Variants in EGFL7 observed in about 807,000 individuals in gnomAD.
EGFL7 encodes epidermal growth factor-like protein 7.
A neutral mutation model predicts 37.1 loss-of-function variants in EGFL7; 48 were observed. That is an observed-to-expected ratio of 1.29 (90% confidence interval 1.03 to 1.65). The LOEUF (loss-of-function observed/expected upper bound fraction) is 1.65, where lower values mean the gene tolerates loss of function less well. Ranked by LOEUF, EGFL7 falls within the 40% of genes most tolerant of loss-of-function variation. The pLI is 0.00. For missense variants in EGFL7, 384 were observed against 378.9 expected (o/e 1.01, Z -0.11); for synonymous variants, 180 against 156.8 (o/e 1.15, Z -1.10).
chr9:136,671,034 G>GTCTTCACAACAGCAGA lies in EGFL7; in HGVS notation c.636+20_636+21insTCTTCACAACAGCAGA. 1 of 1,261,202 alleles carries GTCTTCACAACAGCAGA rather than the reference G, an allele frequency of 7.9e-7. No individual in the cohort carries two copies. 78.1% of individuals were successfully genotyped at this position (1,261,202 alleles called of 1,614,324 possible). A position where few individuals can be genotyped will look rare whatever the true frequency, so the allele number is the denominator to read the frequency against. On this transcript the variant is annotated intron_variant, in intron 9 of 10. Coordinates refer to ENST00000308874, the MANE Select transcript of EGFL7 (RefSeq NM_016215.5). Reference sequence around the variant, plus strand: ...GAGGAGGTGAGGCATTGGTGGGGGGGGGGGGGGGCAGGCAGTCCAGGGTGG... The same window carrying GTCTTCACAACAGCAGA: ...GAGGAGGTGAGGCATTGGTGGGGGGGTCTTCACAACAGCAGAGGGGGGGGCAGGCAGTCCAGGGTGG...
At chr9:136,669,874 G>A (rs774738428) in intron 6 of EGFL7, 40 bp from the exon 7 acceptor site, 5 of 1,538,664 alleles carry the variant, frequency 3.2e-6, no homozygotes, top group Non-Finnish European at 4.4e-6. Context: ...AGGGTGCTGG[G>A]GACCCAACTG....
At chr9:136,661,277 T>C (rs1845129799), upstream of EGFL7, among the ~76,000 whole-genome samples, 2 of 152,022 alleles carry the variant, frequency 1.3e-5, no homozygotes, top group South Asian at 4.1e-4. Context: ...GCCAACTTGT[T>C]CTTCACTGCA....
chr9:136,670,243 C>T lies in EGFL7; in HGVS notation c.484C>T (p.Gln162Ter). The T allele has an allele frequency of 6.2e-7, 1 of 1,612,550 alleles. No homozygotes were observed. The highest frequency in any genetic ancestry group is 8.5e-7 in the Non-Finnish European group (1 of 1,179,798). The change falls in exon 8 of 11, where the codon CAG becomes TAG. Residue 162 changes from glutamine to a stop codon, truncating the protein, a stop_gained. Transcript: ENST00000308874. LOFTEE classifies it high-confidence loss of function. ...CVNTAGSYWC[Q>*]CWEGHSLSAD... ...CAACACCGCCGGCAGTTACTGGTGCCAGTGTTGGGAGGGGCACAGCCTGTC... is the reference window on the plus strand; with the variant it reads ...CAACACCGCCGGCAGTTACTGGTGCTAGTGTTGGGAGGGGCACAGCCTGTC...
chr9:136,671,135 G>T (rs1845848128), intron 9 of EGFL7, 121 bp downstream of exon 9: 2 of 749,490 alleles, frequency 2.7e-6, no homozygotes, highest in Non-Finnish European at 2.2e-6. Context: ...GGCATCGGGG[G>T]GGTAGGCAGG....
chr9:136,669,793 C>A, intron 6 of EGFL7, 72 bp downstream of exon 6: 1 of 1,452,566 alleles, frequency 6.9e-7, no homozygotes, highest in South Asian at 1.3e-5. Flanking sequence ...AACGCTCCTG[C>A]TGCTTTTCTT....
intron 7 of EGFL7, 69 bp downstream of exon 7, chr9:136,670,078 C>T (rs1257337083): frequency 4.4e-6 from 7 of 1,601,760 alleles, no homozygotes; most frequent in African/African-American, 2.7e-5. Flanking sequence ...CCTGGGGTTA[C>T]TGCTGGCCCA....
In EGFL7 at chr9:136,670,592, G is replaced by A. The variant is rs148979093; in HGVS notation, c.571+262G>A. 2.8e-3 allele frequency: 2,145 copies of A among 777,570 alleles called. 33 individuals are homozygous for A. The highest frequency in any genetic ancestry group is 0.027 in the African/African-American group (1,626 of 59,278). 48.2% of individuals were successfully genotyped at this position (777,570 alleles called of 1,614,324 possible). A position where few individuals can be genotyped will look rare whatever the true frequency, so the allele number is the denominator to read the frequency against. ...CATCCAGCGCAGCATTCTGGAAGAC[G>A]CCACGCCTCCGCTGGCGACGGGACA... On this transcript the variant is annotated intron_variant, in intron 8 of 10. Coordinates refer to ENST00000308874, the MANE Select transcript of EGFL7 (RefSeq NM_016215.5).
Position 136,672,400 on chromosome 9 carries a change from A to C in EGFL7, c.*114A>C. ...CCTCGGGGTGACTGAGCGGAAGGCC[A>C]GGCAGGGCCTTCCTCCTCTTCCTCC... On this transcript the variant is annotated 3_prime_UTR_variant, in exon 11 of 11. Coordinates refer to ENST00000308874, the MANE Select transcript of EGFL7 (RefSeq NM_016215.5). 9.1e-6 allele frequency: 12 copies of C among 1,316,950 alleles called. No homozygotes were observed. Among genetic ancestry groups the C allele is most frequent in the South Asian group, 1.2e-5 (1 of 83,386 alleles). 81.6% of individuals were successfully genotyped at this position (1,316,950 alleles called of 1,614,324 possible).
At chr9:136,670,667 A>G (rs556742905) in intron 8 of EGFL7, 6 of 770,710 alleles carry the variant, frequency 7.8e-6, no homozygotes, top group Admixed American at 1.7e-5. Context: ...ACCGTGAGTA[A>G]TAATGCGCCG....
At chr9:136,661,803 G>A (rs546187796), upstream of EGFL7, among the ~76,000 whole-genome samples, 1 of 152,202 alleles carries the variant, frequency 6.6e-6, no homozygotes, top group African/African-American at 2.4e-5. Flanking sequence ...AAGTTGCCCA[G>A]CTGAGTGGGG....
upstream of EGFL7, among the ~76,000 whole-genome samples, chr9:136,661,300 C>T (rs552385849): frequency 2.6e-5 from 4 of 151,992 alleles, no homozygotes; most frequent in Admixed American, 6.6e-5. Context: ...CCCCTCCTGA[C>T]AGCTGGAGGG....
intron 8 of EGFL7, 179 bp downstream of exon 8, chr9:136,670,509 G>GCC: frequency 1.1e-6 from 1 of 873,276 alleles, no homozygotes. Context: ...GGGGCAGGTT[G>GCC]CCCGGAGCCT....
Position 136,666,599 on chromosome 9 carries a change from C to T in EGFL7, c.-42-1642C>T, listed in dbSNP as rs1487434160. Among the ~76,000 whole-genome samples the T allele has an allele frequency of 6.6e-6, 1 of 152,070 alleles. No homozygotes were observed. Among genetic ancestry groups the T allele is most frequent in the Non-Finnish European group, 1.5e-5 (1 of 67,998 alleles). Reference sequence around the variant, plus strand: ...ATTGAGTCTCCACTTAGCACCGCTTCCTGTCCAGGCGACTCTCAGGAATTG... The same window carrying T: ...ATTGAGTCTCCACTTAGCACCGCTTTCTGTCCAGGCGACTCTCAGGAATTG... On this transcript the variant is annotated intron_variant, in intron 3 of 10. Transcript: ENST00000308874. The surrounding 1 kb of genome is among the most constrained non-coding windows in gnomAD (Gnocchi z 6.8).
At chr9:136,659,799 C>T (rs1267138609), upstream of EGFL7, among the ~76,000 whole-genome samples, 1 of 152,254 alleles carries the variant, frequency 6.6e-6, no homozygotes, top group African/African-American at 2.4e-5. Context: ...CGGGCCTCCA[C>T]CTCTGACACC....
At position 136,668,045 on chromosome 9, in the gene EGFL7, G is replaced by T. The variant is rs540227498; in HGVS notation, c.-42-196G>T. On this transcript the variant is annotated intron_variant, in intron 3 of 10. Transcript: ENST00000308874. Reference sequence around the variant, plus strand: ...GTGCCCCCAGGCTGTGGCCCCAGCTGTTTGTGCCTGGCGAGGGTCTGGCTA... The same window carrying T: ...GTGCCCCCAGGCTGTGGCCCCAGCTTTTTGTGCCTGGCGAGGGTCTGGCTA... Among the ~76,000 whole-genome samples the T allele has an allele frequency of 3.9e-5, 6 of 152,342 alleles. No individual in the cohort carries two copies. The East Asian group carries it at 1.2e-3, about 29-fold the overall frequency.
At chr9:136,670,652 C>T (rs748179193) in intron 8 of EGFL7, 2 of 772,412 alleles carry the variant, frequency 2.6e-6, no homozygotes, top group Admixed American at 3.4e-5. Context: ...ACACTTCAAA[C>T]TCGTACCGTG....
chr9:136,667,838 C>T (rs1463886580), intron 3 of EGFL7, among the ~76,000 whole-genome samples: 3 of 152,310 alleles, frequency 2.0e-5, no homozygotes, highest in East Asian at 1.9e-4. Flanking sequence ...ACGAACACCC[C>T]GTTTGCATAG....
At chr9:136,668,072 C>T (rs943859574) in intron 3 of EGFL7, among the ~76,000 whole-genome samples, 169 bp from the exon 4 acceptor site, 1 of 152,220 alleles carries the variant, frequency 6.6e-6, no homozygotes, top group South Asian at 2.1e-4. Flanking sequence ...GTCTGGCTAG[C>T]TGGAAGAGGG....
rs748499063 is a variant in EGFL7, at chr9:136,668,265, C to T, written c.-18C>T. 26 of 1,592,132 alleles carry T rather than the reference C, an allele frequency of 1.6e-5. No homozygotes were observed. Among genetic ancestry groups the T allele is most frequent in the Non-Finnish European group, 1.8e-5 (21 of 1,169,676 alleles). On this transcript the variant is annotated 5_prime_UTR_variant, in exon 4 of 11. Transcript: ENST00000308874. ...GGCCACCCAGAGGAGAAGGCCACCCCGCCTGGAGGCACAGGCCATGAGGGG... is the reference window on the plus strand; with the variant it reads ...GGCCACCCAGAGGAGAAGGCCACCCTGCCTGGAGGCACAGGCCATGAGGGG...
Sources: gnomAD v4.1 joint callset for allele counts (sites outside exome capture counted in the v4.1 genomes callset) on GRCh38, gnomAD v4.1.1 for gene constraint, Gnocchi (gnomAD v3.1) non-coding constraint, MANE v1.5 for transcripts, NCBI Gene and HGNC (gene_info 2026-07-23, HGNC 2026-07-21) for gene names.